Variants in DYRK1A observed in about 807,000 individuals in gnomAD.
DYRK1A encodes dual specificity tyrosine-phosphorylation-regulated kinase 1A.
A neutral mutation model predicts 79.7 loss-of-function variants in DYRK1A; 9 were observed. That is an observed-to-expected ratio of 0.11 (90% CI 0.07 to 0.20). The LOEUF is 0.20. Ranked by LOEUF, DYRK1A falls within the 10% of genes least tolerant of loss-of-function variation. DYRK1A has a pLI of 1.00. For synonymous variants in DYRK1A, 349 were observed against 329.7 expected, an observed-to-expected ratio of 1.06 and a Z score of -0.63; for missense variants, 622 against 956.0, an observed-to-expected ratio of 0.65 and a Z score of 4.61.
rs1301767409 is a variant in DYRK1A at position 37,409,735 on chromosome 21, A to G, written c.-76-10564A>G. 2.0e-5 allele frequency among the ~76,000 whole-genome samples: 3 copies of G among 152,172 alleles called. No homozygotes were observed. The East Asian group carries it at 5.8e-4, about 29-fold the overall frequency. ...TTGGCCAAAGATATTCATTATGAAT[A>G]ATCTTAAATGCTTTCTTCGAGTGTT... On this transcript the variant is annotated intron_variant, in intron 1 of 11. Transcript: ENST00000647188.
chr21:37,505,676 TG>T, intron 10 of DYRK1A, 87 bp downstream of exon 10: 1 of 1,402,860 alleles, frequency 7.1e-7, no homozygotes. Context: ...TGATTAAATT[TG>T]TTAATAGAGT....
intron 1 of DYRK1A, among the ~76,000 whole-genome samples, chr21:37,370,961 A>T (rs530819409): frequency 6.6e-6 from 1 of 152,244 alleles, no homozygotes; most frequent in Admixed American, 6.5e-5. Context: ...TTTTTACCAG[A>T]TGTTATCTTG....
intron 2 of DYRK1A, among the ~76,000 whole-genome samples, chr21:37,446,580 T>C (rs577365153): frequency 7.3e-6 from 1 of 137,768 alleles, no homozygotes; most frequent in Admixed American, 7.1e-5. Context: ...GGTTTGAAAT[T>C]CTTTTTTTTT....
intron 8 of DYRK1A, among the ~76,000 whole-genome samples, chr21:37,495,542 G>A (rs1198550064): frequency 6.6e-6 from 1 of 152,140 alleles, no homozygotes; most frequent in Admixed American, 6.5e-5. Context: ...TGAGGCAGGA[G>A]AATTGCCTGA....
chr21:37,434,655 CT>C (rs1204226024), intron 2 of DYRK1A, among the ~76,000 whole-genome samples: 11 of 152,098 alleles, frequency 7.2e-5, no homozygotes, highest in Non-Finnish European at 1.6e-4. Context: ...TGGTCTCAGT[CT>C]TCATATTTTA....
chr21:37,376,598 T>A (rs2049546392), intron 1 of DYRK1A, among the ~76,000 whole-genome samples: 1 of 152,184 alleles, frequency 6.6e-6, no homozygotes, highest in African/African-American at 2.4e-5. Context: ...TAGTGTTAGC[T>A]TGCTTCGATG....
At chr21:37,448,653 C>T (rs2051347926) in intron 2 of DYRK1A, among the ~76,000 whole-genome samples, 1 of 152,032 alleles carries the variant, frequency 6.6e-6, no homozygotes, top group Non-Finnish European at 1.5e-5. Context: ...AAATATTGAG[C>T]AAAGGAGGGA....
At chr21:37,374,026 C>T (rs1027003413) in intron 1 of DYRK1A, among the ~76,000 whole-genome samples, 6 of 152,048 alleles carry the variant, frequency 3.9e-5, no homozygotes, top group Non-Finnish European at 8.8e-5. Context: ...AGTAAGTGGT[C>T]AGATTAGAAA....
At chr21:37,442,996 C>T in intron 2 of DYRK1A, among the ~76,000 whole-genome samples, 1 of 152,016 alleles carries the variant, frequency 6.6e-6, no homozygotes, top group East Asian at 1.9e-4. Context: ...CACTACCAAG[C>T]CCAGCTAATT....
In DYRK1A at chr21:37,420,080, T is replaced by G. The variant is rs1011634105; in HGVS notation, c.-76-219T>G. ...GGTAATAGGCACATTTTGAAACTGT[T>G]TTTTTTTTCTCTGACAATTGAATAT... On this transcript the variant is annotated intron_variant, in intron 1 of 11. Transcript: ENST00000647188. The G allele has an allele frequency of 2.5e-4, 59 of 236,374 alleles. 1 individual carries two copies. Among genetic ancestry groups the G allele is most frequent in the African/African-American group, 1.3e-3 (58 of 44,068 alleles). 14.6% of individuals were successfully genotyped at this position (236,374 alleles called of 1,614,324 possible).
At chr21:37,413,169 C>T (rs2050274081) in intron 1 of DYRK1A, among the ~76,000 whole-genome samples, 2 of 152,194 alleles carry the variant, frequency 1.3e-5, no homozygotes, top group Non-Finnish European at 2.9e-5. Flanking sequence ...TAAAACTGAA[C>T]TCACTTTACT....
chr21:37,371,789 T>TGA (rs1555947715), intron 1 of DYRK1A, among the ~76,000 whole-genome samples: 6 of 151,726 alleles, frequency 4.0e-5, no homozygotes, highest in African/African-American at 1.5e-4. Flanking sequence ...AATTGATTTT[T>TGA]GGGGGGGGCC....
At chr21:37,476,087 G>A (rs1229133617) in intron 3 of DYRK1A, among the ~76,000 whole-genome samples, 3 of 152,136 alleles carry the variant, frequency 2.0e-5, no homozygotes, top group East Asian at 3.8e-4. Flanking sequence ...GAGTGTCCTC[G>A]TTAAGAGCCT....
At chr21:37,477,814 A>G (rs1463016973) in intron 3 of DYRK1A, among the ~76,000 whole-genome samples, 1 of 152,136 alleles carries the variant, frequency 6.6e-6, no homozygotes, top group Non-Finnish European at 1.5e-5. Context: ...TTTGTCTGCT[A>G]GTTGTGAACC....
chr21:37,422,313 G>C (rs1426734882), intron 2 of DYRK1A, among the ~76,000 whole-genome samples: 1 of 152,142 alleles, frequency 6.6e-6, no homozygotes, highest in Non-Finnish European at 1.5e-5. Flanking sequence ...AAAATTAACA[G>C]CTTTCAGAAT....
intron 9 of DYRK1A, chr21:37,502,879 A>T (rs1400320318): frequency 6.6e-6 from 1 of 152,194 alleles, no homozygotes; most frequent in East Asian, 1.9e-4. Flanking sequence ...TGAATATAGA[A>T]TTATAGATTA....
At chr21:37,497,150 GC>G (rs912209269) in intron 9 of DYRK1A, among the ~76,000 whole-genome samples, 2 of 312 alleles carry the variant, frequency 6.4e-3, no homozygotes, top group South Asian at 0.056. Context: ...TTGTATTTTA[GC>G]GGACGCTGCC....
intron 2 of DYRK1A, among the ~76,000 whole-genome samples, chr21:37,423,282 G>A (rs373296521): frequency 1.4e-4 from 22 of 152,070 alleles, no homozygotes; most frequent in African/African-American, 4.3e-4. Context: ...TCAGGTAACT[G>A]CTTTCTGGAT....
At chr21:37,445,145 A>G (rs931633998) in intron 2 of DYRK1A, among the ~76,000 whole-genome samples, 4 of 152,336 alleles carry the variant, frequency 2.6e-5, no homozygotes, top group South Asian at 2.1e-4. Flanking sequence ...CTTTAAATCT[A>G]TTAACTTTTT....
Sources: gnomAD v4.1 joint callset for allele counts (sites outside exome capture counted in the v4.1 genomes callset) on GRCh38, gnomAD v4.1.1 for gene constraint, MANE v1.5 for transcripts, NCBI Gene and HGNC (gene_info 2026-07-23, HGNC 2026-07-21) for gene names.